Variants in SAMD13 observed in about 807,000 individuals in gnomAD.
The protein encoded by SAMD13 is sterile alpha motif domain-containing protein 13.
A neutral mutation model predicts 12.4 loss-of-function variants in SAMD13; 9 were observed. That is an observed-to-expected ratio of 0.72 (90% CI 0.44 to 1.26). The LOEUF (loss-of-function observed/expected upper bound fraction) is 1.26. Among genes scored for constraint, SAMD13 ranks in the 50% most tolerant of loss-of-function variants. The pLI is 0.00. For missense variants in SAMD13, 84 were observed against 119.6 expected (o/e 0.70, Z 1.39); for synonymous variants, 46 against 45.4 (o/e 1.01, Z -0.05).
intron 2 of SAMD13, among the ~76,000 whole-genome samples, chr1:84,317,672 C>G (rs1222676054): frequency 2.6e-5 from 4 of 151,880 alleles, no homozygotes; most frequent in Non-Finnish European, 5.9e-5. Flanking sequence ...TCTTGTGTGT[C>G]TTTATCTGGC....
At chr1:84,314,301 C>T (rs894599992) in intron 2 of SAMD13, among the ~76,000 whole-genome samples, 5 of 152,056 alleles carry the variant, frequency 3.3e-5, no homozygotes, top group African/African-American at 1.2e-4. Flanking sequence ...AATAAAAAAC[C>T]TCACAGGGTA....
chr1:84,315,837 T>C (rs1461123850), intron 2 of SAMD13, among the ~76,000 whole-genome samples: 2 of 152,188 alleles, frequency 1.3e-5, no homozygotes, highest in Non-Finnish European at 2.9e-5. Context: ...ATTTCTACCA[T>C]AGTATACAAA....
rs1220462544 is a variant in SAMD13 at position 84,308,069 on chromosome 1, C to T, written c.53+4782C>T. On this transcript the variant is annotated intron_variant, in intron 2 of 3. Transcript: ENST00000394834. ...GACCTTTGCACAGCCTAAAAGCCTT[C>T]TTCAGGCAGTGAGTGGAATGGCTTA... Among the ~76,000 whole-genome samples the T allele has an allele frequency of 2.0e-5, 3 of 152,190 alleles. No individual in the cohort carries two copies. In the East Asian group the frequency reaches 5.8e-4, roughly 29 times the overall value.
At chr1:84,307,624 G>A (rs562547331) in intron 2 of SAMD13, among the ~76,000 whole-genome samples, 9 of 152,184 alleles carry the variant, frequency 5.9e-5, no homozygotes, top group South Asian at 2.1e-4. Context: ...ACCTTGTTGG[G>A]TGCTGGCTGT....
At chr1:84,341,824 G>A (rs1679432884) in intron 3 of SAMD13, among the ~76,000 whole-genome samples, 1 of 152,076 alleles carries the variant, frequency 6.6e-6, no homozygotes, top group South Asian at 2.1e-4. Context: ...GATAAGAAGA[G>A]GTTGTAAAAG....
chr1:84,316,893 A>G (rs987568296), intron 2 of SAMD13, among the ~76,000 whole-genome samples: 3 of 152,018 alleles, frequency 2.0e-5, no homozygotes, highest in African/African-American at 7.2e-5. Flanking sequence ...TACTTTCATC[A>G]ATGTTTCATA....
upstream of SAMD13, chr1:84,298,608 C>G (rs369429359): frequency 2.5e-4 from 322 of 1,277,736 alleles, no homozygotes; most frequent in Non-Finnish European, 3.1e-4. Flanking sequence ...GGGAAGGCGC[C>G]CGCCCTCTCC....
At chr1:84,344,940 A>G (rs1159086492) in intron 3 of SAMD13, 1 of 456,756 alleles carries the variant, frequency 2.2e-6, no homozygotes, top group South Asian at 1.5e-5. Context: ...AAACATTTGG[A>G]GGAGGAACTA....
intron 2 of SAMD13, among the ~76,000 whole-genome samples, chr1:84,324,733 T>C (rs956681368): frequency 6.6e-6 from 1 of 152,098 alleles, no homozygotes; most frequent in Non-Finnish European, 1.5e-5. Context: ...GCCAGACAAA[T>C]ACTCCCAACG....
intron 2 of SAMD13, among the ~76,000 whole-genome samples, chr1:84,316,726 G>A (rs764335479): frequency 6.6e-6 from 1 of 151,960 alleles, no homozygotes; most frequent in South Asian, 2.1e-4. Context: ...ATGAATATTA[G>A]AATTTTTTTT....
At chr1:84,300,910 G>C (rs1678442597), upstream of SAMD13, among the ~76,000 whole-genome samples, 1 of 152,128 alleles carries the variant, frequency 6.6e-6, no homozygotes, top group Non-Finnish European at 1.5e-5. Flanking sequence ...ATAGTACCGG[G>C]TACTCATAGA....
intron 3 of SAMD13, among the ~76,000 whole-genome samples, chr1:84,341,211 T>G (rs1266452757): frequency 6.6e-6 from 1 of 152,218 alleles, no homozygotes; most frequent in Non-Finnish European, 1.5e-5. Flanking sequence ...TGGAGAACCC[T>G]AACTAATACA....
chr1:84,300,917 T>C (rs1246725871), upstream of SAMD13, among the ~76,000 whole-genome samples: 2 of 152,326 alleles, frequency 1.3e-5, no homozygotes, highest in Admixed American at 6.5e-5. Flanking sequence ...CGGGTACTCA[T>C]AGATTGTAAG....
chr1:84,314,423 C>G (rs766941305), intron 2 of SAMD13, among the ~76,000 whole-genome samples: 17 of 152,144 alleles, frequency 1.1e-4, no homozygotes, highest in Non-Finnish European at 2.2e-4. Flanking sequence ...TTTATTTACT[C>G]CTAAGCCTGT....
chr1:84,302,591 C>T, intron 1 of SAMD13: 4 of 859,790 alleles, frequency 4.7e-6, no homozygotes, highest in Non-Finnish European at 5.6e-6. Flanking sequence ...CACCACCTTT[C>T]TGTGCTAAGG....
intron 2 of SAMD13, among the ~76,000 whole-genome samples, chr1:84,311,694 C>T (rs79365192): frequency 0.038 from 5,859 of 152,274 alleles, 138 homozygotes; most frequent in South Asian, 0.071. Flanking sequence ...AAAATTACAA[C>T]AAATTCCAAT....
chr1:84,315,662 G>A (rs982708598), intron 2 of SAMD13, among the ~76,000 whole-genome samples: 1 of 152,108 alleles, frequency 6.6e-6, no homozygotes, highest in Non-Finnish European at 1.5e-5. Flanking sequence ...TTGGTGAATA[G>A]CATTGCTGTG....
chr1:84,342,598 C>T lies in SAMD13; in HGVS notation c.166-7033C>T, dbSNP rs944232907. ...CTTTGACAAACCTGACAAAAACAAGCAATGGGGAAAAGATTCTCTATTTAA... is the reference window on the plus strand; with the variant it reads ...CTTTGACAAACCTGACAAAAACAAGTAATGGGGAAAAGATTCTCTATTTAA... On this transcript the variant is annotated intron_variant, in intron 3 of 3. Coordinates refer to ENST00000394834, the MANE Select transcript of SAMD13 (RefSeq NM_001134663.2). 2.6e-5 allele frequency among the ~76,000 whole-genome samples: 4 copies of T among 152,052 alleles called. 1 individual carries two copies. Among genetic ancestry groups the T allele is most frequent in the Non-Finnish European group, 5.9e-5 (4 of 68,006 alleles).
At position 84,329,243 on chromosome 1, in the gene SAMD13, A is replaced by G. The variant is rs137872175; in HGVS notation, c.165+3495A>G. ...GCAGGAGAGCCCTCACCAAGAACCC[A>G]ACCATGCTGGCACCCTGGTCTTGGA... is the stretch of plus-strand genomic sequence containing the variant. On this transcript the variant is annotated intron_variant, in intron 3 of 3. Coordinates refer to ENST00000394834, the MANE Select transcript of SAMD13 (RefSeq NM_001134663.2). Among the ~76,000 whole-genome samples, 15 of 152,226 alleles carry G rather than the reference A, an allele frequency of 9.9e-5. No individual in the cohort carries two copies. The East Asian group carries it at 2.9e-3, about 29-fold the overall frequency.
Sources: allele counts gnomAD v4.1 joint callset (sites outside exome capture counted in the v4.1 genomes callset), GRCh38; gene constraint gnomAD v4.1.1; transcripts MANE v1.5; gene names NCBI Gene and HGNC (gene_info 2026-07-23, HGNC 2026-07-21).